CTSC: variants seen among roughly 807,000 people sequenced by gnomAD.
CTSC encodes cathepsin C.
A neutral mutation model predicts 40.9 loss-of-function variants in CTSC; 37 were observed. That is an observed-to-expected ratio of 0.91 (90% CI 0.70 to 1.19). The LOEUF is 1.19. CTSC is among the 50% of genes most tolerant of loss of function. The pLI is 0.00. For missense variants in CTSC, 594 were observed against 567.3 expected, an observed-to-expected ratio of 1.05 and a Z score of -0.48; for synonymous variants, 232 against 207.4, an observed-to-expected ratio of 1.12 and a Z score of -1.02.
chr11:88,320,758 AG>A, intron 2 of CTSC: 3 of 943,314 alleles, frequency 3.2e-6, no homozygotes, highest in Non-Finnish European at 3.8e-6. Flanking sequence ...ATAGCCTCTA[AG>A]GACACAAAGG....
At chr11:88,300,426 T>A (rs916750748) in intron 5 of CTSC, 104 bp downstream of exon 5, 12 of 734,312 alleles carry the variant, frequency 1.6e-5, no homozygotes, top group Non-Finnish European at 2.5e-6. Flanking sequence ...AAAAAGGGGA[T>A]CATGCCCATT....
At chr11:88,314,568 C>A (rs1937834749) in intron 2 of CTSC, among the ~76,000 whole-genome samples, 1 of 152,104 alleles carries the variant, frequency 6.6e-6, no homozygotes, top group Non-Finnish European at 1.5e-5. Flanking sequence ...CACTCTGTTG[C>A]CCAGGCTGGA....
intron 4 of CTSC, among the ~76,000 whole-genome samples, chr11:88,305,095 C>CAAA (rs397727219): frequency 1.2e-4 from 17 of 146,678 alleles, no homozygotes; most frequent in South Asian, 4.3e-4. Flanking sequence ...GAGACTCTGT[C>CAAA]AAAAAAAAAA....
chr11:88,337,368 C>A (rs1938527238), intron 1 of CTSC, 133 bp downstream of exon 1: 1 of 911,278 alleles, frequency 1.1e-6, no homozygotes, highest in Non-Finnish European at 1.7e-6. Flanking sequence ...CCCCAAGGGT[C>A]CCCGAATCCA....
intron 2 of CTSC, among the ~76,000 whole-genome samples, chr11:88,318,420 C>T (rs1355150798): frequency 2.0e-5 from 3 of 152,138 alleles, no homozygotes; most frequent in African/African-American, 7.2e-5. Context: ...AGTTATACAA[C>T]ATTAAACAAG....
rs575727793 is a variant in CTSC at position 88,312,478 on chromosome 11, C to T, written c.395G>A (p.Arg132Gln). Residue 132 changes from arginine (R) to glutamine (Q), a missense_variant, in exon 3 of 7, where the codon CGG becomes CAG. Physicochemically the swap from Arg to Gln is conservative, Grantham distance 43 (BLOSUM62 1). Coordinates refer to ENST00000227266, the MANE Select transcript of CTSC (RefSeq NM_001814.6). ...MTGWVHDVLG[R>Q]NWACFTGKKV... The stretch of plus-strand genomic sequence containing the variant: ...CTTTCCGGTGAAACAAGCCCAGTTC[C>T]GGCCCAACACATCATGCACCCACCC... 109 of 1,614,160 alleles carry T rather than the reference C, an allele frequency of 6.8e-5. No individual in the cohort carries two copies. In the South Asian group the frequency reaches 7.5e-4, roughly 11 times the overall value.
intron 2 of CTSC, among the ~76,000 whole-genome samples, chr11:88,328,614 A>C (rs1371821897): frequency 1.3e-5 from 2 of 152,096 alleles, no homozygotes; most frequent in Non-Finnish European, 2.9e-5. Flanking sequence ...ATTTCTCAAC[A>C]TAGAGTTCTT....
chr11:88,316,432 A>G (rs1403541306), intron 2 of CTSC, among the ~76,000 whole-genome samples: 2 of 152,044 alleles, frequency 1.3e-5, no homozygotes, highest in African/African-American at 2.4e-5. Flanking sequence ...GCAATGATCC[A>G]GCCACTGAAC....
At chr11:88,314,953 A>C (rs1422126082) in intron 2 of CTSC, among the ~76,000 whole-genome samples, 1 of 151,862 alleles carries the variant, frequency 6.6e-6, no homozygotes, top group African/African-American at 2.4e-5. Flanking sequence ...GACCATGGAA[A>C]CAAAGACCCA....
At chr11:88,337,292 A>G (rs560681087) in intron 1 of CTSC, among the ~76,000 whole-genome samples, 1 of 152,346 alleles carries the variant, frequency 6.6e-6, no homozygotes, top group African/African-American at 2.4e-5. Flanking sequence ...GATAACCAAG[A>G]AAGTGTGGAG....
chr11:88,328,741 C>T (rs72966821), intron 2 of CTSC, among the ~76,000 whole-genome samples: 11,864 of 152,172 alleles, frequency 0.078, 493 homozygotes, highest in Non-Finnish European at 0.096. Context: ...GATTCTTCTG[C>T]CCCAGCCTCC....
In CTSC at chr11:88,327,475, A is replaced by G. The variant is rs150091244; in HGVS notation, c.318+7462T>C. Among the ~76,000 whole-genome samples, 415 of 152,320 alleles carry G rather than the reference A, an allele frequency of 2.7e-3. 2 individuals are homozygous for G. The highest frequency in any genetic ancestry group is 9.6e-3 in the African/African-American group (397 of 41,550). ...TCTCTAATCACCTATTTCTTCATCAACATTTTAGACATTTATGGATCCAGT... is the reference window on the plus strand; with the variant it reads ...TCTCTAATCACCTATTTCTTCATCAGCATTTTAGACATTTATGGATCCAGT... On this transcript the variant is annotated intron_variant, in intron 2 of 6. Transcript: ENST00000227266.
chr11:88,337,544 C>A lies in CTSC; in HGVS notation c.129G>T (p.Val43=). 1 of 1,577,220 alleles carries A rather than the reference C, an allele frequency of 6.3e-7. No homozygotes were observed. The part of the protein sequence containing the change: ...LDLLGTWVFQ[V]GSSGSQRDVN... Reference sequence around the variant, plus strand: ...CATCGCGCTGGGAACCGCTGGAGCCCACCTGGAAGACCCAGGTGCCCAGCA... The same window carrying A: ...CATCGCGCTGGGAACCGCTGGAGCCAACCTGGAAGACCCAGGTGCCCAGCA... Residue 43 remains valine (V), a synonymous_variant, in exon 1 of 7, where the codon GTG becomes GTT. Coordinates refer to ENST00000227266, the MANE Select transcript of CTSC (RefSeq NM_001814.6).
chr11:88,315,594 T>A (rs72964988), intron 2 of CTSC, among the ~76,000 whole-genome samples: 9,777 of 151,746 alleles, frequency 0.064, 410 homozygotes, highest in Non-Finnish European at 0.096. Flanking sequence ...TGGCAGAGAT[T>A]TCATACTTTA....
At chr11:88,323,686 T>A (rs1938095449) in intron 2 of CTSC, 1 of 151,354 alleles carries the variant, frequency 6.6e-6, no homozygotes, top group Non-Finnish European at 1.5e-5. Context: ...ACAGAGAGAA[T>A]AAAATATCTA....
At chr11:88,296,382 G>A in intron 5 of CTSC, 118 bp from the exon 6 acceptor site, 1 of 1,261,904 alleles carries the variant, frequency 7.9e-7, no homozygotes, top group South Asian at 1.3e-5. Context: ...TTGTTTATAA[G>A]AATCAGCACA....
intron 2 of CTSC, chr11:88,328,031 G>C: frequency 1.1e-6 from 1 of 873,740 alleles, no homozygotes; most frequent in East Asian, 2.4e-5. Flanking sequence ...TGAATAAATA[G>C]GCATTAATTT....
rs572507692 is a variant in CTSC at position 88,316,288 on chromosome 11, C to A, written c.319-3734G>T. Among the ~76,000 whole-genome samples, 7 of 152,258 alleles carry A rather than the reference C, an allele frequency of 4.6e-5. No individual in the cohort carries two copies. The South Asian group carries it at 1.5e-3, about 32-fold the overall frequency. On this transcript the variant is annotated intron_variant, in intron 2 of 6. Transcript: ENST00000227266. Reference sequence around the variant, plus strand: ...GATCCTGAGCAAGTCACGTTCCTCTCTGTACTTTCAGTTTCCTCATCTTTA... The same window carrying A: ...GATCCTGAGCAAGTCACGTTCCTCTATGTACTTTCAGTTTCCTCATCTTTA...
chr11:88,315,691 A>C (rs1288613287), intron 2 of CTSC, among the ~76,000 whole-genome samples: 2 of 152,210 alleles, frequency 1.3e-5, no homozygotes, highest in African/African-American at 2.4e-5. Flanking sequence ...AAAAGACCTA[A>C]GGAAGTGGTG....
Sources: allele counts gnomAD v4.1 joint callset (sites outside exome capture counted in the v4.1 genomes callset), GRCh38; gene constraint gnomAD v4.1.1; transcripts MANE v1.5; gene names NCBI Gene and HGNC (gene_info 2026-07-23, HGNC 2026-07-21).